Variants in NEO1 observed in about 807,000 individuals in gnomAD.
NEO1 encodes the protein neogenin 1.
In NEO1, 63 loss-of-function variants were observed where a neutral mutation model predicts 159.7. The ratio of observed to expected loss-of-function variants is 0.39; its 90% confidence interval spans 0.32 to 0.49. NEO1 has a LOEUF of 0.49. Among genes scored for constraint, NEO1 ranks in the 20% least tolerant of loss-of-function variants. The pLI, the probability that NEO1 is intolerant of heterozygous loss-of-function variation, is 0.85. For missense variants in NEO1, 1,615 were observed against 1,831.0 expected, an observed-to-expected ratio of 0.88 and a Z score of 2.15; for synonymous variants, 633 against 662.0, an observed-to-expected ratio of 0.96 and a Z score of 0.67.
intron 25 of NEO1, among the ~76,000 whole-genome samples, chr15:73,292,405 A>G (rs1182333937): frequency 1.3e-5 from 2 of 152,164 alleles, no homozygotes; most frequent in Non-Finnish European, 1.5e-5. Flanking sequence ...GCTTTGGCCT[A>G]TTTGCCTGTT....
intron 7 of NEO1, among the ~76,000 whole-genome samples, chr15:73,219,470 G>T (rs1430268510): frequency 1.4e-5 from 2 of 143,488 alleles, no homozygotes; most frequent in Non-Finnish European, 1.5e-5. Context: ...TCAATTCCTG[G>T]GTATGCTTGT....
chr15:73,261,499 CA>C (rs1470850207), intron 15 of NEO1, among the ~76,000 whole-genome samples: 2 of 152,152 alleles, frequency 1.3e-5, no homozygotes, highest in East Asian at 3.9e-4. Flanking sequence ...AGTGAATATA[CA>C]AAAACAGTTG....
chr15:73,249,453 T>A, intron 10 of NEO1, 130 bp from the exon 11 acceptor site: 4 of 1,076,142 alleles, frequency 3.7e-6, no homozygotes, highest in Non-Finnish European at 5.2e-6. Flanking sequence ...CTTTGACTAT[T>A]GAAGAACCTT....
chr15:73,146,092 T>G (rs902556657), intron 5 of NEO1, among the ~76,000 whole-genome samples: 4 of 152,206 alleles, frequency 2.6e-5, no homozygotes, highest in Non-Finnish European at 4.4e-5. Context: ...CCTATTCCTA[T>G]CCCTTGTACC....
intron 2 of NEO1, among the ~76,000 whole-genome samples, chr15:73,122,230 G>A (rs373686509): frequency 6.6e-6 from 1 of 151,128 alleles, no homozygotes; most frequent in South Asian, 2.1e-4. Flanking sequence ...AAACCATGAT[G>A]TTTACACTGA....
At chr15:73,295,134 ATATATATATG>A (rs1442258927) in intron 26 of NEO1, among the ~76,000 whole-genome samples, 2 of 141,684 alleles carry the variant, frequency 1.4e-5, no homozygotes, top group South Asian at 2.2e-4. Context: ...AAATATATAT[ATATATATATG>A]TAAAAATTTG....
chr15:73,208,480 T>A (rs563283683), intron 7 of NEO1, among the ~76,000 whole-genome samples: 37 of 152,314 alleles, frequency 2.4e-4, no homozygotes, highest in East Asian at 5.8e-4. Context: ...TTATTTTTTT[T>A]AAAAACTGTT....
At position 73,283,981 on chromosome 15, in the gene NEO1, G is replaced by T. The variant is rs370892337; in HGVS notation, c.3410+870G>T. On this transcript the variant is annotated intron_variant, in intron 23 of 28. Coordinates refer to ENST00000261908, the MANE Select transcript of NEO1 (RefSeq NM_002499.4). The stretch of plus-strand genomic sequence containing the variant: ...ATCAATTTATCAGTTTCTCAGAGCG[G>T]CTGAATGGCTGCTAGCCTTGAACTC... Among the ~76,000 whole-genome samples the T allele has an allele frequency of 3.3e-5, 5 of 152,186 alleles. No individual in the cohort carries two copies. In the East Asian group the frequency reaches 7.7e-4, roughly 23 times the overall value.
intron 5 of NEO1, among the ~76,000 whole-genome samples, chr15:73,148,689 A>G (rs2033123651): frequency 6.6e-6 from 1 of 152,200 alleles, no homozygotes; most frequent in Admixed American, 6.5e-5. Flanking sequence ...AGTTACATGC[A>G]TTGAATGGTG....
chr15:73,157,410 T>G (rs555422530), intron 5 of NEO1, among the ~76,000 whole-genome samples: 55 of 152,204 alleles, frequency 3.6e-4, no homozygotes, highest in Non-Finnish European at 6.8e-4. Context: ...TCTGATGGAA[T>G]GTATGGGACG....
chr15:73,176,049 T>G (rs1160544578), intron 5 of NEO1, among the ~76,000 whole-genome samples: 1 of 152,208 alleles, frequency 6.6e-6, no homozygotes, highest in African/African-American at 2.4e-5. Context: ...CTTTGAATTC[T>G]AATTATAGCT....
chr15:73,167,033 C>A (rs966526448), intron 5 of NEO1, among the ~76,000 whole-genome samples: 3 of 150,356 alleles, frequency 2.0e-5, no homozygotes, highest in Non-Finnish European at 3.0e-5. Context: ...GGACAAAAAA[C>A]CAAACACTGC....
intron 7 of NEO1, among the ~76,000 whole-genome samples, chr15:73,202,707 A>G (rs551828680): frequency 1.3e-5 from 2 of 152,328 alleles, no homozygotes; most frequent in African/African-American, 4.8e-5. Flanking sequence ...AAGTGCATTC[A>G]TTCTGTTGTG....
At chr15:73,272,968 C>CAA (rs56162211) in intron 19 of NEO1, among the ~76,000 whole-genome samples, 8 of 86,584 alleles carry the variant, frequency 9.2e-5, no homozygotes, top group African/African-American at 1.8e-4. Context: ...CCTGAAGCCA[C>CAA]AAAAAAAAAA....
intron 3 of NEO1, among the ~76,000 whole-genome samples, chr15:73,123,959 G>A (rs556129799): frequency 9.9e-5 from 15 of 152,088 alleles, no homozygotes; most frequent in East Asian, 1.9e-4. Flanking sequence ...TTTTTTTGTC[G>A]TTATCCCTCG....
At chr15:73,271,768 G>A (rs916396596) in intron 18 of NEO1, among the ~76,000 whole-genome samples, 1 of 152,004 alleles carries the variant, frequency 6.6e-6, no homozygotes, top group Non-Finnish European at 1.5e-5. Flanking sequence ...TTAGCTGGAT[G>A]TGGTGGTGCG....
Position 73,134,193 on chromosome 15 carries a change from C to T in NEO1, c.879-1698C>T, listed in dbSNP as rs1484467965. Among the ~76,000 whole-genome samples the T allele has an allele frequency of 2.6e-5, 4 of 152,268 alleles. No individual in the cohort carries two copies. In the South Asian group the frequency reaches 8.3e-4, roughly 32 times the overall value. On this transcript the variant is annotated intron_variant, in intron 4 of 28. Coordinates refer to ENST00000261908, the MANE Select transcript of NEO1 (RefSeq NM_002499.4). ...CGTCTTATCTCTCCATTTATTTTAT[C>T]CCAGTCATTCCTGCTCTATTCCATT...
chr15:73,181,260 G>A (rs2151969135), intron 7 of NEO1, among the ~76,000 whole-genome samples: 1 of 152,268 alleles, frequency 6.6e-6, no homozygotes, highest in East Asian at 1.9e-4. Context: ...TAAAAACAAT[G>A]CCATGTGTAA....
At chr15:73,265,830 G>A (rs1236820705) in intron 15 of NEO1, among the ~76,000 whole-genome samples, 1 of 152,144 alleles carries the variant, frequency 6.6e-6, no homozygotes, top group Admixed American at 6.5e-5. Flanking sequence ...GTGAGGTTTG[G>A]CCATTTCTGG....
Sources: allele counts gnomAD v4.1 joint callset (sites outside exome capture counted in the v4.1 genomes callset), GRCh38; gene constraint gnomAD v4.1.1; transcripts MANE v1.5; gene names NCBI Gene and HGNC (gene_info 2026-07-23, HGNC 2026-07-21).